Variants in TXNRD1 observed in about 807,000 individuals in gnomAD.
The protein encoded by TXNRD1 is thioredoxin reductase 1.
In TXNRD1, 57 loss-of-function variants were observed where a neutral mutation model predicts 80.3. That is an observed-to-expected ratio of 0.71 (90% confidence interval 0.57 to 0.89). TXNRD1 has a LOEUF of 0.89. Ranked by LOEUF, TXNRD1 falls within the 40% of genes least tolerant of loss-of-function variation. TXNRD1 has a pLI of 0.00. For synonymous variants in TXNRD1, 291 were observed against 285.2 expected, an observed-to-expected ratio of 1.02 and a Z score of -0.20; for missense variants, 730 against 803.0, an observed-to-expected ratio of 0.91 and a Z score of 1.10.
chr12:104,302,118 G>A (rs1353290961), intron 4 of TXNRD1, among the ~76,000 whole-genome samples: 6 of 152,180 alleles, frequency 3.9e-5, no homozygotes, highest in Non-Finnish European at 2.9e-5. Flanking sequence ...TCATATATAT[G>A]TACAACTAAC....
chr12:104,292,153 A>G (rs1048606492), intron 4 of TXNRD1, among the ~76,000 whole-genome samples: 1 of 152,194 alleles, frequency 6.6e-6, no homozygotes, highest in Non-Finnish European at 1.5e-5. Context: ...CCCTGCTTTC[A>G]CAGTGAGTGT....
In TXNRD1 at chr12:104,326,361, A is replaced by G; in HGVS notation, c.1323A>G (p.Ile441Met). 1.3e-6 allele frequency: 2 copies of G among 1,591,548 alleles called. No individual in the cohort carries two copies. The highest frequency in any genetic ancestry group is 1.7e-6 in the Non-Finnish European group (2 of 1,170,762). The change falls in exon 12 of 17, where the codon ATA becomes ATG. Residue 441 changes from isoleucine (I) to methionine (M), a missense_variant. Coordinates refer to ENST00000525566, the MANE Select transcript of TXNRD1 (RefSeq NM_001093771.3). ...TAATTTTTCAGGTGATGCTGGCAAT[A>G]GGAAGAGATGCTTGCACAAGAAAAA... ...EGEYNTVMLAIGRDACTRKIG... is the reference protein window; with the variant it reads ...EGEYNTVMLAMGRDACTRKIG...
intron 14 of TXNRD1, among the ~76,000 whole-genome samples, chr12:104,333,314 T>G (rs529745818): frequency 6.6e-6 from 1 of 152,040 alleles, no homozygotes; most frequent in Non-Finnish European, 1.5e-5. Context: ...ATAGACAATA[T>G]TTAAGTTTTT....
intron 15 of TXNRD1, among the ~76,000 whole-genome samples, chr12:104,335,658 C>G (rs183498219): frequency 1.6e-4 from 24 of 152,058 alleles, no homozygotes; most frequent in Middle Eastern, 3.4e-3. Flanking sequence ...TACACACACT[C>G]TCTTTAATAT....
chr12:104,227,187 T>G, intron 1 of TXNRD1, among the ~76,000 whole-genome samples: 1 of 152,184 alleles, frequency 6.6e-6, no homozygotes, highest in African/African-American at 2.4e-5. Context: ...TAGGATATCT[T>G]TTTAATTTTA....
chr12:104,284,285 C>A (rs1480302617), intron 3 of TXNRD1: 1 of 152,116 alleles, frequency 6.6e-6, no homozygotes, highest in Non-Finnish European at 1.5e-5. Flanking sequence ...GCAATGTTTC[C>A]TGCTTTAAGT....
chr12:104,316,808 C>G (rs1232672854), intron 7 of TXNRD1, among the ~76,000 whole-genome samples: 1 of 152,166 alleles, frequency 6.6e-6, no homozygotes, highest in Non-Finnish European at 1.5e-5. Context: ...GAAACTCCAA[C>G]CCCTATGTGA....
chr12:104,230,756 TG>T (rs1017364799), intron 1 of TXNRD1, among the ~76,000 whole-genome samples: 5 of 152,182 alleles, frequency 3.3e-5, no homozygotes, highest in African/African-American at 1.2e-4. Flanking sequence ...GAGGAAACCC[TG>T]TGTGGGGCAG....
chr12:104,234,423 T>C (rs1373412166), intron 1 of TXNRD1, among the ~76,000 whole-genome samples: 2 of 152,034 alleles, frequency 1.3e-5, no homozygotes, highest in Non-Finnish European at 2.9e-5. Flanking sequence ...GCCTCCCAAG[T>C]AGCTGAGACT....
At chr12:104,302,358 A>G (rs1014454321) in intron 4 of TXNRD1, among the ~76,000 whole-genome samples, 3 of 151,966 alleles carry the variant, frequency 2.0e-5, no homozygotes, top group Admixed American at 6.6e-5. Flanking sequence ...TGAAACTGGC[A>G]ATTGGACAGG....
intron 1 of TXNRD1, among the ~76,000 whole-genome samples, chr12:104,228,326 A>G (rs1297021614): frequency 1.4e-5 from 2 of 138,506 alleles, no homozygotes; most frequent in African/African-American, 2.7e-5. Flanking sequence ...AAAAATCTGT[A>G]TTTGATTAAC....
At chr12:104,342,674 G>GTA (rs1418453611) in intron 16 of TXNRD1, among the ~76,000 whole-genome samples, 1 of 151,938 alleles carries the variant, frequency 6.6e-6, no homozygotes, top group East Asian at 1.9e-4. Context: ...TTATTTTTTT[G>GTA]TATATATATG....
At chr12:104,265,804 C>T in intron 3 of TXNRD1, 2 of 1,539,476 alleles carry the variant, frequency 1.3e-6, no homozygotes, top group South Asian at 2.3e-5. Context: ...GCACAAGCCA[C>T]GCTTCACCAC....
intron 1 of TXNRD1, among the ~76,000 whole-genome samples, 156 bp downstream of exon 1, chr12:104,216,049 T>C (rs1239158783): frequency 6.6e-6 from 1 of 151,298 alleles, no homozygotes; most frequent in African/African-American, 2.4e-5. Flanking sequence ...CCAGAAACGC[T>C]CCCCCAGGTC....
At chr12:104,230,510 A>AT (rs1239065409) in intron 1 of TXNRD1, among the ~76,000 whole-genome samples, 1 of 152,178 alleles carries the variant, frequency 6.6e-6, no homozygotes, top group Non-Finnish European at 1.5e-5. Flanking sequence ...TATTCTAGCC[A>AT]TCCTAGTGGT....
chr12:104,348,520 C>A lies in TXNRD1; in HGVS notation c.*99C>A. On this transcript the variant is annotated 3_prime_UTR_variant, in exon 17 of 17. Coordinates refer to ENST00000525566, the MANE Select transcript of TXNRD1 (RefSeq NM_001093771.3). ...TTCTAGAGGGTTCTTGGGCTCTTGGCACCTGCGTGTCCTGTGCTTACCACC... is the reference window on the plus strand; with the variant it reads ...TTCTAGAGGGTTCTTGGGCTCTTGGAACCTGCGTGTCCTGTGCTTACCACC... 8.6e-7 allele frequency: 1 copy of A among 1,168,332 alleles called. No individual in the cohort carries two copies. Among genetic ancestry groups the A allele is most frequent in the Non-Finnish European group, 1.3e-6 (1 of 788,320 alleles). 72.4% of individuals were successfully genotyped at this position (1,168,332 alleles called of 1,614,324 possible). A position where few individuals can be genotyped will look rare whatever the true frequency, so the allele number is the denominator to read the frequency against.
Position 104,330,248 on chromosome 12 carries a change from C to A in TXNRD1, c.1543-1286C>A, listed in dbSNP as rs548959912. ...TTAAATGCAGAATGTTACTTTGGATCGCCTCTGTGTATAAGTATAACTGCT... is the reference window on the plus strand; with the variant it reads ...TTAAATGCAGAATGTTACTTTGGATAGCCTCTGTGTATAAGTATAACTGCT... On this transcript the variant is annotated intron_variant, in intron 13 of 16. Coordinates refer to ENST00000525566, the MANE Select transcript of TXNRD1 (RefSeq NM_001093771.3). Among the ~76,000 whole-genome samples the A allele has an allele frequency of 2.6e-5, 4 of 152,194 alleles. No individual in the cohort carries two copies. In the South Asian group the frequency reaches 8.3e-4, roughly 32 times the overall value.
chr12:104,240,604 T>A (rs182330039), intron 1 of TXNRD1, among the ~76,000 whole-genome samples: 1 of 152,320 alleles, frequency 6.6e-6, no homozygotes, highest in East Asian at 1.9e-4. Context: ...GTATATAGTA[T>A]GTGTTTATAT....
intron 2 of TXNRD1, among the ~76,000 whole-genome samples, chr12:104,253,393 C>CA (rs11404929): frequency 0.91 from 138,308 of 152,120 alleles, 63,120 homozygotes; most frequent in African/African-American, 0.98. Flanking sequence ...GCAGAAGACA[C>CA]AGTCCCATCC....
Sources: gnomAD v4.1 joint callset for allele counts (sites outside exome capture counted in the v4.1 genomes callset) on GRCh38, gnomAD v4.1.1 for gene constraint, MANE v1.5 for transcripts, NCBI Gene and HGNC (gene_info 2026-07-23, HGNC 2026-07-21) for gene names.